CNTLN: variants seen among roughly 807,000 people sequenced by gnomAD.
The protein encoded by CNTLN is centlein, centrosomal protein.
A neutral mutation model predicts 180.0 loss-of-function variants in CNTLN; 212 were observed. That is an observed-to-expected ratio of 1.18 (90% CI 1.05 to 1.32). The LOEUF (loss-of-function observed/expected upper bound fraction) is 1.32. CNTLN is among the 40% of genes most tolerant of loss of function. The probability of loss-of-function intolerance (pLI) is 0.00; values close to 1 mark genes in which losing one functional copy is unlikely to be tolerated. For missense variants in CNTLN, 2,095 were observed against 1,610.9 expected, an observed-to-expected ratio of 1.30 and a Z score of -5.14; for synonymous variants, 722 against 563.1, an observed-to-expected ratio of 1.28 and a Z score of -3.99.
downstream of CNTLN, chr9:17,503,932 C>T (rs1833873639): frequency 6.6e-6 from 1 of 152,468 alleles, no homozygotes; most frequent in African/African-American, 2.4e-5. Flanking sequence ...CAGTGGTGCT[C>T]ATTCATTTCT....
chr9:17,256,994 A>T (rs1481535658), intron 5 of CNTLN, among the ~76,000 whole-genome samples: 1 of 151,662 alleles, frequency 6.6e-6, no homozygotes, highest in Non-Finnish European at 1.5e-5. Flanking sequence ...TTATTATTAT[A>T]CTTTAAGTTT....
At chr9:17,489,556 T>G (rs1833044659) in intron 25 of CNTLN, among the ~76,000 whole-genome samples, 1 of 152,008 alleles carries the variant, frequency 6.6e-6, no homozygotes, top group Non-Finnish European at 1.5e-5. Flanking sequence ...ACAGAATTGC[T>G]TTCTGTTAAA....
chr9:17,479,303 C>T (rs538722908), intron 23 of CNTLN, among the ~76,000 whole-genome samples: 1 of 152,178 alleles, frequency 6.6e-6, no homozygotes, highest in East Asian at 1.9e-4. Context: ...AAATGTCCAT[C>T]AAGAGATGAA....
chr9:17,184,466 T>G (rs1821311780), intron 2 of CNTLN, among the ~76,000 whole-genome samples: 1 of 152,184 alleles, frequency 6.6e-6, no homozygotes, highest in Non-Finnish European at 1.5e-5. Flanking sequence ...ATGTTACTTT[T>G]CAAGAATGAA....
At chr9:17,227,137 A>G (rs1304382435) in intron 3 of CNTLN, among the ~76,000 whole-genome samples, 1 of 151,492 alleles carries the variant, frequency 6.6e-6, no homozygotes, top group East Asian at 2.0e-4. Context: ...CCCTATGCAA[A>G]ATCAGCACCA....
At chr9:17,160,099 A>C (rs1249413048) in intron 2 of CNTLN, among the ~76,000 whole-genome samples, 5 of 152,222 alleles carry the variant, frequency 3.3e-5, no homozygotes, top group Non-Finnish European at 7.3e-5. Context: ...TCCACCAGAA[A>C]ATATAAGAAG....
intron 12 of CNTLN, among the ~76,000 whole-genome samples, chr9:17,354,080 C>T (rs1822603627): frequency 6.6e-6 from 1 of 152,244 alleles, no homozygotes. Context: ...AGCACCCGGG[C>T]CAGTGGCTGC....
At chr9:17,442,477 C>T (rs114679608) in intron 18 of CNTLN, among the ~76,000 whole-genome samples, 1,571 of 152,258 alleles carry the variant, frequency 0.01, 18 homozygotes, top group African/African-American at 0.036. Context: ...CAGCTCACTG[C>T]ACCCTGCACC....
At chr9:17,470,661 A>G (rs1317105258) in intron 23 of CNTLN, among the ~76,000 whole-genome samples, 1 of 151,906 alleles carries the variant, frequency 6.6e-6, no homozygotes, top group Non-Finnish European at 1.5e-5. Flanking sequence ...AAAACACACA[A>G]GGGAAATTTC....
At chr9:17,383,874 G>A (rs1383854767) in intron 13 of CNTLN, among the ~76,000 whole-genome samples, 4 of 152,016 alleles carry the variant, frequency 2.6e-5, no homozygotes, top group East Asian at 1.9e-4. Context: ...TCCTGACCTC[G>A]TGATCTGCCT....
chr9:17,383,366 A>C (rs1159576719), intron 13 of CNTLN, among the ~76,000 whole-genome samples: 3 of 151,652 alleles, frequency 2.0e-5, no homozygotes, highest in Non-Finnish European at 2.9e-5. Flanking sequence ...CAAAAAAAAA[A>C]AGTTGGGTGT....
At chr9:17,300,829 T>G in intron 7 of CNTLN, 1 of 246,294 alleles carries the variant, frequency 4.1e-6, no homozygotes, top group Non-Finnish European at 6.5e-6. Context: ...CATGTTTTTA[T>G]TCCTTGAACA....
At chr9:17,494,739 T>G (rs1833355403) in intron 25 of CNTLN, among the ~76,000 whole-genome samples, 4 of 152,166 alleles carry the variant, frequency 2.6e-5, no homozygotes. Context: ...TACTCTCGTT[T>G]GTGGTAATGC....
intron 6 of CNTLN, among the ~76,000 whole-genome samples, chr9:17,290,065 T>G (rs1327675995): frequency 1.3e-5 from 2 of 152,208 alleles, no homozygotes; most frequent in Non-Finnish European, 2.9e-5. Context: ...ACTGCGTTCC[T>G]TTGGAGGAGG....
At chr9:17,494,875 A>C in intron 25 of CNTLN, 1 of 362,414 alleles carries the variant, frequency 2.8e-6, no homozygotes, top group East Asian at 8.8e-5. Flanking sequence ...ACTATACCAT[A>C]CTTTTTTTTT....
At chr9:17,495,513 A>G (rs975041938) in intron 25 of CNTLN, among the ~76,000 whole-genome samples, 1 of 152,226 alleles carries the variant, frequency 6.6e-6, no homozygotes, top group Non-Finnish European at 1.5e-5. Flanking sequence ...GGATATAAAA[A>G]TGTTTTTATA....
intron 2 of CNTLN, among the ~76,000 whole-genome samples, chr9:17,160,091 C>T (rs1480539031): frequency 6.6e-6 from 1 of 152,160 alleles, no homozygotes; most frequent in Non-Finnish European, 1.5e-5. Flanking sequence ...CTTACACTTC[C>T]ACCAGAAAAT....
At chr9:17,206,357 G>A (rs1822921782) in intron 2 of CNTLN, among the ~76,000 whole-genome samples, 1 of 152,154 alleles carries the variant, frequency 6.6e-6, no homozygotes, top group Non-Finnish European at 1.5e-5. Flanking sequence ...CTGGACTTAT[G>A]TTATCAGATG....
At chr9:17,209,261 C>T (rs1823123269) in intron 2 of CNTLN, among the ~76,000 whole-genome samples, 1 of 152,058 alleles carries the variant, frequency 6.6e-6, no homozygotes, top group South Asian at 2.1e-4. Flanking sequence ...TAGTTTTATT[C>T]CATTGTAGTC....
Sources: gnomAD v4.1 joint callset for allele counts (sites outside exome capture counted in the v4.1 genomes callset) on GRCh38, gnomAD v4.1.1 for gene constraint, MANE v1.5 for transcripts, NCBI Gene and HGNC (gene_info 2026-07-23, HGNC 2026-07-21) for gene names.